Variants in MND1 observed in about 807,000 individuals in gnomAD.
The protein encoded by MND1 is meiotic nuclear divisions 1.
MND1 carries 28 observed loss-of-function variants against 35.1 expected under a neutral mutation model. The ratio of observed to expected loss-of-function variants is 0.80; its 90% CI spans 0.59 to 1.09. The LOEUF (loss-of-function observed/expected upper bound fraction) is 1.09. MND1 is among the 50% of genes least tolerant of loss of function. MND1 has a pLI of 0.00. For synonymous variants in MND1, 69 were observed against 70.5 expected (o/e 0.98, Z 0.11); for missense variants, 213 against 239.6 (o/e 0.89, Z 0.73).
chr4:153,351,860 C>A (rs1438811404), intron 2 of MND1, among the ~76,000 whole-genome samples: 1 of 152,070 alleles, frequency 6.6e-6, no homozygotes, highest in African/African-American at 2.4e-5. Flanking sequence ...ATATAAAAAA[C>A]AAGACATGAT....
intron 6 of MND1, among the ~76,000 whole-genome samples, chr4:153,401,468 T>C (rs771605796): frequency 5.9e-5 from 9 of 152,172 alleles, no homozygotes; most frequent in Admixed American, 2.6e-4. Context: ...AAGTAGTAGA[T>C]GCCAGTGATC....
chr4:153,392,319 A>G (rs1256212525), intron 4 of MND1, among the ~76,000 whole-genome samples: 1 of 151,976 alleles, frequency 6.6e-6, no homozygotes, highest in Non-Finnish European at 1.5e-5. Flanking sequence ...GTTAGCCAGG[A>G]TGGTCTCGAT....
chr4:153,350,156 A>C, intron 2 of MND1, 27 bp downstream of exon 2: 2 of 1,508,832 alleles, frequency 1.3e-6, no homozygotes, highest in Non-Finnish European at 1.8e-6. Flanking sequence ...AACACTTATA[A>C]TTTTGTGTAA....
intron 6 of MND1, 51 bp downstream of exon 6, chr4:153,397,384 C>CT (rs1729227029): frequency 2.3e-6 from 3 of 1,316,788 alleles, no homozygotes; most frequent in Non-Finnish European, 3.2e-6. Flanking sequence ...ATGAAGAAGA[C>CT]TTTATTTTTC....
chr4:153,414,204 A>C (rs954017763), intron 7 of MND1, among the ~76,000 whole-genome samples: 1 of 152,160 alleles, frequency 6.6e-6, no homozygotes. Context: ...TATTATTCTT[A>C]AGTCTGGTAT....
At position 153,380,785 on chromosome 4, in the gene MND1, G is replaced by T. The variant is rs540677059; in HGVS notation, c.277-13477G>T. 8.5e-5 allele frequency among the ~76,000 whole-genome samples: 13 copies of T among 152,194 alleles called. No individual in the cohort carries two copies. In the South Asian group the frequency reaches 2.7e-3, roughly 32 times the overall value. ...TTAAACGACTCAAAGATTGTGGGGG[G>T]AATAAGGTAAATAAACTAAGATTTT... is the stretch of plus-strand genomic sequence containing the variant. On this transcript the variant is annotated intron_variant, in intron 4 of 7. Transcript: ENST00000240488.
intron 4 of MND1, among the ~76,000 whole-genome samples, chr4:153,379,950 A>G (rs1245033270): frequency 1.3e-5 from 2 of 150,504 alleles, no homozygotes; most frequent in Non-Finnish European, 3.0e-5. Context: ...TGAGCCCAAG[A>G]GATTGAGGCT....
At chr4:153,364,406 A>G (rs946656361) in intron 4 of MND1, among the ~76,000 whole-genome samples, 1 of 151,692 alleles carries the variant, frequency 6.6e-6, no homozygotes, top group Non-Finnish European at 1.5e-5. Context: ...GGTCCCGGCT[A>G]TTCGAGAGGC....
intron 5 of MND1, among the ~76,000 whole-genome samples, chr4:153,394,917 T>C (rs1430294268): frequency 6.6e-6 from 1 of 152,220 alleles, no homozygotes; most frequent in Non-Finnish European, 1.5e-5. Flanking sequence ...TTTCACTTTC[T>C]ATTTTCATCA....
Position 153,396,280 on chromosome 4 carries a change from T to C in MND1, c.352-939T>C, listed in dbSNP as rs573278449. Among the ~76,000 whole-genome samples the C allele has an allele frequency of 3.9e-5, 6 of 152,332 alleles. 1 individual carries two copies. In the South Asian group the frequency reaches 1.0e-3, roughly 26 times the overall value. On this transcript the variant is annotated intron_variant, in intron 5 of 7. Transcript: ENST00000240488. ...AGAGTGCAGATCTAGAAAGTTTTCC[T>C]CACTGCTGAGATTCTGCTGGGCCGT...
chr4:153,375,830 A>T (rs1398894091), intron 4 of MND1, among the ~76,000 whole-genome samples: 2 of 152,196 alleles, frequency 1.3e-5, no homozygotes, highest in African/African-American at 4.8e-5. Flanking sequence ...TTTGAGGTGT[A>T]GTGATTTATT....
Position 153,371,125 on chromosome 4 carries a change from C to T in MND1, c.276+12503C>T, listed in dbSNP as rs560623676. On this transcript the variant is annotated intron_variant, in intron 4 of 7. Transcript: ENST00000240488. The stretch of plus-strand genomic sequence containing the variant: ...CTTTTTTCTGAGCAGCAAGTCTCAA[C>T]GGTTGGCTTGAAATACCCAGTAAAC... Among the ~76,000 whole-genome samples the T allele has an allele frequency of 4.6e-5, 7 of 152,182 alleles. No individual in the cohort carries two copies. The South Asian group carries it at 6.2e-4, about 14-fold the overall frequency.
intron 5 of MND1, among the ~76,000 whole-genome samples, chr4:153,394,667 G>T (rs1407245583): frequency 6.6e-6 from 1 of 152,080 alleles, no homozygotes; most frequent in African/African-American, 2.4e-5. Context: ...GATTAAACTA[G>T]TTAATATTTG....
chr4:153,362,842 T>TA lies in MND1; in HGVS notation c.276+4221dup, dbSNP rs563285809. ...AGGCTTGTTTTTTTTAGTCTCTGGG[T>TA]ACTTTAGTAGTTATGGACCAATTTT... On this transcript the variant is annotated intron_variant, in intron 4 of 7. Transcript: ENST00000240488. 572 of 202,612 alleles carry TA rather than the reference T, an allele frequency of 2.8e-3. 3 individuals carry two copies. The highest frequency in any genetic ancestry group is 0.013 in the African/African-American group (537 of 42,434). 12.6% of individuals were successfully genotyped at this position (202,612 alleles called of 1,614,324 possible).
At chr4:153,410,409 C>T (rs1025232133) in intron 7 of MND1, among the ~76,000 whole-genome samples, 1 of 151,980 alleles carries the variant, frequency 6.6e-6, no homozygotes, top group East Asian at 1.9e-4. Context: ...AAAGTTACAA[C>T]TTACTCCTTC....
chr4:153,356,880 T>A (rs1773359118), intron 3 of MND1, among the ~76,000 whole-genome samples: 1 of 152,106 alleles, frequency 6.6e-6, no homozygotes, highest in Admixed American at 6.6e-5. Context: ...TGGAGCCCAG[T>A]GGTGCAGTCC....
At chr4:153,406,379 G>T (rs966456020) in intron 6 of MND1, among the ~76,000 whole-genome samples, 1 of 151,830 alleles carries the variant, frequency 6.6e-6, no homozygotes, top group African/African-American at 2.4e-5. Context: ...AAAATTAGCC[G>T]GGTGTGGTGG....
chr4:153,399,530 A>C (rs1213442836), intron 6 of MND1, among the ~76,000 whole-genome samples: 1 of 152,198 alleles, frequency 6.6e-6, no homozygotes, highest in East Asian at 1.9e-4. Flanking sequence ...TGAAGTGGGG[A>C]AAACTTGTAT....
At chr4:153,405,814 C>T (rs1219726859) in intron 6 of MND1, among the ~76,000 whole-genome samples, 1 of 151,796 alleles carries the variant, frequency 6.6e-6, no homozygotes, top group Non-Finnish European at 1.5e-5. Context: ...ATTTATATTT[C>T]TTTTTTTTGA....
Sources: allele counts gnomAD v4.1 joint callset (sites outside exome capture counted in the v4.1 genomes callset), GRCh38; gene constraint gnomAD v4.1.1; transcripts MANE v1.5; gene names NCBI Gene and HGNC (gene_info 2026-07-23, HGNC 2026-07-21).